PTPRZ1: variants seen among roughly 807,000 people sequenced by gnomAD.
PTPRZ1 encodes the protein protein tyrosine phosphatase receptor type Z1.
In PTPRZ1, 82 loss-of-function variants were observed where a neutral mutation model predicts 214.1. That is an observed-to-expected ratio of 0.38 (90% CI 0.32 to 0.46). The LOEUF (loss-of-function observed/expected upper bound fraction) is 0.46. Among genes scored for constraint, PTPRZ1 ranks in the 20% least tolerant of loss-of-function variants. The pLI, the probability that PTPRZ1 is intolerant of heterozygous loss-of-function variation, is 1.00. For missense variants in PTPRZ1, 2,603 were observed against 2,748.7 expected, an observed-to-expected ratio of 0.95 and a Z score of 1.19; for synonymous variants, 945 against 987.9, an observed-to-expected ratio of 0.96 and a Z score of 0.81.
chr7:122,034,547 G>T (rs1799481120), intron 17 of PTPRZ1, among the ~76,000 whole-genome samples, 169 bp downstream of exon 17: 1 of 152,046 alleles, frequency 6.6e-6, no homozygotes, highest in South Asian at 2.1e-4. Flanking sequence ...ATATCACTCT[G>T]ACTTAAATAC....
At chr7:122,045,931 T>TA (rs113131925) in intron 23 of PTPRZ1, among the ~76,000 whole-genome samples, 3,943 of 152,186 alleles carry the variant, frequency 0.026, 61 homozygotes, top group African/African-American at 0.045. Flanking sequence ...TACCATCCCA[T>TA]AAAAAGATAT....
At chr7:122,033,135 T>C (rs929271415) in intron 15 of PTPRZ1, among the ~76,000 whole-genome samples, 3 of 152,032 alleles carry the variant, frequency 2.0e-5, no homozygotes, top group Admixed American at 1.3e-4. Context: ...TTTAAAGTTT[T>C]TTCTTAATTC....
chr7:122,038,122 G>GA (rs1799603469), intron 18 of PTPRZ1, among the ~76,000 whole-genome samples: 3 of 152,018 alleles, frequency 2.0e-5, no homozygotes, highest in Non-Finnish European at 4.4e-5. Flanking sequence ...CAGCGTGGGG[G>GA]AAATCACCCT....
chr7:121,907,868 C>A (rs1032034383), intron 1 of PTPRZ1, among the ~76,000 whole-genome samples: 11 of 152,058 alleles, frequency 7.2e-5, no homozygotes, highest in African/African-American at 2.2e-4. Context: ...CTAAAAGTTA[C>A]TATTTTTTCA....
intron 28 of PTPRZ1, chr7:122,059,486 A>G (rs1346250413): frequency 6.9e-6 from 2 of 291,160 alleles, no homozygotes; most frequent in African/African-American, 4.4e-5. Context: ...TTTTTTTATT[A>G]TTGCCAACTC....
At chr7:121,884,908 C>A (rs1794353320) in intron 1 of PTPRZ1, among the ~76,000 whole-genome samples, 1 of 152,194 alleles carries the variant, frequency 6.6e-6, no homozygotes, top group African/African-American at 2.4e-5. Context: ...TCCTTTTGAA[C>A]ATGGATGGAC....
chr7:121,960,034 A>G (rs1263655068), intron 2 of PTPRZ1, among the ~76,000 whole-genome samples: 1 of 152,168 alleles, frequency 6.6e-6, no homozygotes, highest in Admixed American at 6.5e-5. Context: ...TTATATGTGA[A>G]TATGTGGAGA....
At chr7:121,892,961 A>G (rs552177623) in intron 1 of PTPRZ1, among the ~76,000 whole-genome samples, 7 of 152,138 alleles carry the variant, frequency 4.6e-5, no homozygotes, top group South Asian at 2.1e-4. Context: ...ATAACAAAAT[A>G]TATAAAATAA....
intron 23 of PTPRZ1, among the ~76,000 whole-genome samples, chr7:122,048,791 T>A (rs1792080031): frequency 6.6e-6 from 1 of 152,118 alleles, no homozygotes; most frequent in African/African-American, 2.4e-5. Context: ...AATAATTTAA[T>A]GTCACATTTT....
Position 122,059,791 on chromosome 7 carries a change from C to T in PTPRZ1, c.6710C>T (p.Thr2237Ile), listed in dbSNP as rs1309141364. 1 of 1,613,000 alleles carries T rather than the reference C, an allele frequency of 6.2e-7. No individual in the cohort carries two copies. ...ACGGCAGGAACTTTCTGTGCTCTGACAACCCTTATGCACCAACTAGAAAAA... is the reference window on the plus strand; with the variant it reads ...ACGGCAGGAACTTTCTGTGCTCTGATAACCCTTATGCACCAACTAGAAAAA... ...GVTAGTFCAL[T>I]TLMHQLEKEN... Residue 2237 changes from threonine (T) to isoleucine (I), a missense_variant, in exon 29 of 30, where the codon ACA becomes ATA. Thr to Ile is a moderately conservative substitution (Grantham distance 89). Coordinates refer to ENST00000393386, the MANE Select transcript of PTPRZ1 (RefSeq NM_002851.3).
Position 122,011,472 on chromosome 7 carries a change from C to A in PTPRZ1, c.2426C>A (p.Ser809Tyr). ...VFPSVDVSFE[S>Y]ILSSYDGAPL... ...CCCAGTGTCGATGTGTCATTTGAATCCATCCTGTCTTCCTATGATGGTGCA... is the reference window on the plus strand; with the variant it reads ...CCCAGTGTCGATGTGTCATTTGAATACATCCTGTCTTCCTATGATGGTGCA... The change falls in exon 12 of 30, where the codon TCC becomes TAC. Residue 809 changes from serine to tyrosine, a missense_variant. This residue lies in a region of PTPRZ1 where 1,913 missense variants were observed against 1,914.3 expected (regional missense o/e 1.00). Coordinates refer to ENST00000393386, the MANE Select transcript of PTPRZ1 (RefSeq NM_002851.3). 6.2e-7 allele frequency: 1 copy of A among 1,614,040 alleles called. No individual in the cohort carries two copies. The highest frequency in any genetic ancestry group is 8.5e-7 in the Non-Finnish European group (1 of 1,179,968).
chr7:121,958,391 A>G (rs149483097), intron 2 of PTPRZ1, among the ~76,000 whole-genome samples: 3 of 152,218 alleles, frequency 2.0e-5, no homozygotes, highest in Admixed American at 6.5e-5. Context: ...TGGGTTTGCA[A>G]TTCCCTTTCA....
intron 1 of PTPRZ1, among the ~76,000 whole-genome samples, chr7:121,901,187 TAA>T (rs1794946244): frequency 6.6e-6 from 1 of 152,170 alleles, no homozygotes; most frequent in Non-Finnish European, 1.5e-5. Context: ...AGCAATGTTA[TAA>T]AAAGCCCCTT....
chr7:121,957,081 C>A (rs1796731335), intron 2 of PTPRZ1, among the ~76,000 whole-genome samples: 1 of 152,210 alleles, frequency 6.6e-6, no homozygotes, highest in South Asian at 2.1e-4. Flanking sequence ...TTTCCAGCAC[C>A]TTCAGCTTTC....
chr7:121,883,286 A>G (rs1045414547), intron 1 of PTPRZ1, among the ~76,000 whole-genome samples: 31 of 152,218 alleles, frequency 2.0e-4, no homozygotes, highest in Admixed American at 2.0e-3. Flanking sequence ...TAAAACAAGC[A>G]AACTTTTTTA....
chr7:121,938,268 G>A lies in PTPRZ1; in HGVS notation c.124+10047G>A, dbSNP rs573698166. Among the ~76,000 whole-genome samples, 33 of 152,290 alleles carry A rather than the reference G, an allele frequency of 2.2e-4. 1 individual carries two copies. Among genetic ancestry groups the A allele is most frequent in the African/African-American group, 7.7e-4 (32 of 41,574 alleles). ...TAGGCAATCACTGAAAGATTGCGAAGATAGGAAGAAATCTCACCCCCCCAT... is the reference window on the plus strand; with the variant it reads ...TAGGCAATCACTGAAAGATTGCGAAAATAGGAAGAAATCTCACCCCCCCAT... On this transcript the variant is annotated intron_variant, in intron 2 of 29. Transcript: ENST00000393386.
intron 1 of PTPRZ1, among the ~76,000 whole-genome samples, chr7:121,907,438 T>G (rs1282925383): frequency 6.6e-6 from 1 of 152,004 alleles, no homozygotes; most frequent in Non-Finnish European, 1.5e-5. Flanking sequence ...AGACACATTT[T>G]TTTAGGACAT....
intron 1 of PTPRZ1, among the ~76,000 whole-genome samples, chr7:121,907,422 A>G (rs541964186): frequency 4.2e-4 from 64 of 151,948 alleles, no homozygotes; most frequent in Non-Finnish European, 6.3e-4. Context: ...ACAAGTGAAA[A>G]CCATAAGACA....
chr7:122,038,676 C>T, intron 18 of PTPRZ1, 79 bp from the exon 19 acceptor site: 3 of 1,360,856 alleles, frequency 2.2e-6, no homozygotes, highest in South Asian at 1.7e-5. Context: ...TTATGCTGAC[C>T]TTAAAAACTT....
Sources: gnomAD v4.1 joint callset for allele counts (sites outside exome capture counted in the v4.1 genomes callset) on GRCh38, gnomAD v4.1.1 for gene constraint, gnomAD v4.1.1 regional missense constraint, MANE v1.5 for transcripts, NCBI Gene and HGNC (gene_info 2026-07-23, HGNC 2026-07-21) for gene names.